The following TMC1 variants were observed in gnomAD, a reference collection of about 807,000 sequenced individuals.
TMC1 encodes the protein transmembrane channel like 1.
A neutral mutation model predicts 105.8 loss-of-function variants in TMC1; 84 were observed. The observed-to-expected ratio is 0.79, with a 90% CI of 0.67 to 0.95. TMC1 has a LOEUF of 0.95. Ranked by LOEUF, TMC1 falls within the 40% of genes least tolerant of loss-of-function variation. The probability of loss-of-function intolerance (pLI) is 0.00; values close to 1 mark genes in which losing one functional copy is unlikely to be tolerated. For synonymous variants in TMC1, 315 were observed against 311.5 expected, an observed-to-expected ratio of 1.01 and a Z score of -0.12; for missense variants, 817 against 914.1, an observed-to-expected ratio of 0.89 and a Z score of 1.37.
At chr9:72,526,300 A>G (rs927973536) in intron 1 of TMC1, among the ~76,000 whole-genome samples, 2 of 152,138 alleles carry the variant, frequency 1.3e-5, no homozygotes, top group African/African-American at 2.4e-5. Flanking sequence ...GAATTATCCA[A>G]TGGCCTTGCT....
chr9:72,631,447 T>C (rs1825448639), intron 4 of TMC1, among the ~76,000 whole-genome samples: 1 of 152,188 alleles, frequency 6.6e-6, no homozygotes, highest in Non-Finnish European at 1.5e-5. Context: ...TGGAATGAGA[T>C]CTTCTTCCCC....
intron 17 of TMC1, among the ~76,000 whole-genome samples, chr9:72,795,269 G>A (rs1392447025): frequency 1.3e-5 from 2 of 152,140 alleles, no homozygotes; most frequent in African/African-American, 2.4e-5. Context: ...GCCAGTCTTT[G>A]CTAACAGTCA....
intron 20 of TMC1, among the ~76,000 whole-genome samples, chr9:72,824,252 T>C (rs1828918353): frequency 6.6e-6 from 1 of 152,252 alleles, no homozygotes; most frequent in South Asian, 2.1e-4. Flanking sequence ...CAATGCTTCC[T>C]GAGTTCCACC....
At chr9:72,675,549 C>A (rs1826189677) in intron 5 of TMC1, among the ~76,000 whole-genome samples, 1 of 152,270 alleles carries the variant, frequency 6.6e-6, no homozygotes, top group South Asian at 2.1e-4. Context: ...TACTTTTGAT[C>A]TGGCTGCTAA....
chr9:72,753,616 C>T (rs545924715), intron 11 of TMC1, among the ~76,000 whole-genome samples: 1 of 152,182 alleles, frequency 6.6e-6, no homozygotes, highest in East Asian at 1.9e-4. Context: ...TGAGGGGCAT[C>T]CTGTTTTCTG....
At chr9:72,607,615 CAAAA>C (rs1156416280) in intron 2 of TMC1, among the ~76,000 whole-genome samples, 1 of 55,144 alleles carries the variant, frequency 1.8e-5, no homozygotes, top group Non-Finnish European at 3.8e-5. Context: ...GAGTCTGCCT[CAAAA>C]AAAAAAAAAA....
Position 72,782,031 on chromosome 9 carries a change from A to C in TMC1, c.885-6308A>C, listed in dbSNP as rs1290312635. Among the ~76,000 whole-genome samples the C allele has an allele frequency of 2.0e-5, 3 of 152,178 alleles. No individual in the cohort carries two copies. The East Asian group carries it at 5.8e-4, about 29-fold the overall frequency. Reference sequence around the variant, plus strand: ...TGAGAAAATAAAACTTCAGGCCAATATCCTTGATAAACATACATGCAAAAA... The same window carrying C: ...TGAGAAAATAAAACTTCAGGCCAATCTCCTTGATAAACATACATGCAAAAA... On this transcript the variant is annotated intron_variant, in intron 13 of 23. Coordinates refer to ENST00000297784, the MANE Select transcript of TMC1 (RefSeq NM_138691.3).
At chr9:72,673,497 T>C (rs1284462443) in intron 5 of TMC1, among the ~76,000 whole-genome samples, 2 of 152,100 alleles carry the variant, frequency 1.3e-5, no homozygotes, top group Admixed American at 6.6e-5. Context: ...ACGATTTCCT[T>C]TTTTTCATAC....
At chr9:72,671,308 C>T (rs564271030) in intron 5 of TMC1, among the ~76,000 whole-genome samples, 3 of 152,176 alleles carry the variant, frequency 2.0e-5, no homozygotes, top group Non-Finnish European at 2.9e-5. Flanking sequence ...ATAGGGAGGG[C>T]ACCTCTCACA....
rs1588029653 is a variant in TMC1, at chr9:72,683,733, T to TATATATATATA, written c.17-4976_17-4975insATATATATATA. Among the ~76,000 whole-genome samples, 489 of 53,340 alleles carry TATATATATATA rather than the reference T, an allele frequency of 9.2e-3. 61 individuals carry two copies. The highest frequency in any genetic ancestry group is 0.016 in the South Asian group (21 of 1,300). 35.0% of individuals were successfully genotyped at this position (53,340 alleles called of 152,430 possible). A position where few individuals can be genotyped will look rare whatever the true frequency, so the allele number is the denominator to read the frequency against. Reference sequence around the variant, plus strand: ...TCTGAGTTAACCTGAGTTACACATTTTATATATATATATATATATATATAT... The same window carrying TATATATATATA: ...TCTGAGTTAACCTGAGTTACACATTTATATATATATATATATATATATATATATATATATAT... On this transcript the variant is annotated intron_variant, in intron 5 of 23. Coordinates refer to ENST00000297784, the MANE Select transcript of TMC1 (RefSeq NM_138691.3).
intron 17 of TMC1, among the ~76,000 whole-genome samples, chr9:72,803,051 C>T (rs1588090808): frequency 6.6e-6 from 1 of 152,030 alleles, no homozygotes; most frequent in East Asian, 1.9e-4. Flanking sequence ...ACCAGTGGAA[C>T]AGAATAGGGA....
intron 5 of TMC1, among the ~76,000 whole-genome samples, chr9:72,664,109 T>C (rs537111554): frequency 5.6e-4 from 86 of 152,314 alleles, no homozygotes; most frequent in Non-Finnish European, 9.7e-4. Context: ...TTAATTTCCT[T>C]TTTTACAAGT....
chr9:72,605,047 A>C (rs1392744655), intron 2 of TMC1, among the ~76,000 whole-genome samples: 2 of 152,216 alleles, frequency 1.3e-5, no homozygotes, highest in African/African-American at 4.8e-5. Flanking sequence ...AAAATGAAAT[A>C]ATGCGAATGA....
chr9:72,696,046 G>C (rs1236101195), intron 7 of TMC1, among the ~76,000 whole-genome samples: 1 of 152,116 alleles, frequency 6.6e-6, no homozygotes, highest in African/African-American at 2.4e-5. Flanking sequence ...ATTTCATTGA[G>C]AAAACATCTC....
chr9:72,645,554 G>A (rs1384043379), intron 4 of TMC1, among the ~76,000 whole-genome samples: 15 of 152,262 alleles, frequency 9.9e-5, no homozygotes, highest in Non-Finnish European at 1.5e-4. Context: ...TTTCTGGAGG[G>A]TCAAAGAACA....
At chr9:72,807,520 G>A (rs1828624941) in intron 18 of TMC1, among the ~76,000 whole-genome samples, 1 of 152,164 alleles carries the variant, frequency 6.6e-6, no homozygotes, top group Admixed American at 6.5e-5. Context: ...CAGCTGAAAT[G>A]TTGAACTCAG....
chr9:72,812,794 T>A (rs759775673), intron 18 of TMC1, among the ~76,000 whole-genome samples: 11 of 152,230 alleles, frequency 7.2e-5, no homozygotes, highest in Non-Finnish European at 1.3e-4. Context: ...CACAACAGAA[T>A]TAATTCTCTC....
intron 18 of TMC1, among the ~76,000 whole-genome samples, chr9:72,808,409 C>A (rs1828639158): frequency 6.6e-6 from 1 of 152,216 alleles, no homozygotes; most frequent in Non-Finnish European, 1.5e-5. Flanking sequence ...TCTTCTCTGA[C>A]CACCTATTCT....
At chr9:72,593,727 A>G (rs1236926322) in intron 2 of TMC1, among the ~76,000 whole-genome samples, 1 of 151,616 alleles carries the variant, frequency 6.6e-6, no homozygotes, top group Middle Eastern at 3.2e-3. Context: ...AAAAAAAAAG[A>G]AGAAGAAGAA....
Sources: gnomAD v4.1 joint callset for allele counts (sites outside exome capture counted in the v4.1 genomes callset) on GRCh38, gnomAD v4.1.1 for gene constraint, MANE v1.5 for transcripts, NCBI Gene and HGNC (gene_info 2026-07-23, HGNC 2026-07-21) for gene names.